The following H2BC5 variants were observed in gnomAD, a reference collection of about 807,000 sequenced individuals.
The protein encoded by H2BC5 is histone H2B type 1-D.
A neutral mutation model predicts 5.7 loss-of-function variants in H2BC5; 9 were observed. That is an observed-to-expected ratio of 1.57 (90% CI 0.95 to 2.74). The LOEUF is 2.74. Ranked by LOEUF, H2BC5 falls within the 30% of genes most tolerant of loss-of-function variation. The pLI is 0.00. For synonymous variants in H2BC5, 133 were observed against 70.9 expected, an observed-to-expected ratio of 1.88 and a Z score of -4.40; for missense variants, 175 against 168.8, an observed-to-expected ratio of 1.04 and a Z score of -0.20.
downstream of H2BC5, among the ~76,000 whole-genome samples, chr6:26,161,381 A>G (rs1037141387): frequency 3.9e-5 from 6 of 152,226 alleles, no homozygotes; most frequent in African/African-American, 1.4e-4. Flanking sequence ...ACAGCAGCCA[A>G]TTGGACCTAC....
At chr6:26,168,467 A>T (rs1235734785) in intron 1 of H2BC5, among the ~76,000 whole-genome samples, 1 of 152,012 alleles carries the variant, frequency 6.6e-6, no homozygotes, top group East Asian at 1.9e-4. Flanking sequence ...TTTTAAAAAA[A>T]AAAAATAAAT....
downstream of H2BC5, among the ~76,000 whole-genome samples, chr6:26,159,089 G>C (rs1247306194): frequency 6.6e-6 from 1 of 152,150 alleles, no homozygotes; most frequent in African/African-American, 2.4e-5. Context: ...GATTTGTTTT[G>C]TAATTGGGCC....
chr6:26,168,454 ATT>A (rs199988643), intron 1 of H2BC5, among the ~76,000 whole-genome samples: 32 of 151,402 alleles, frequency 2.1e-4, no homozygotes, highest in African/African-American at 7.8e-4. Flanking sequence ...CCAAAACTCC[ATT>A]TTTTAAAAAA....
chr6:26,165,730 A>T (rs1376921869), intron 1 of H2BC5, among the ~76,000 whole-genome samples: 3 of 152,104 alleles, frequency 2.0e-5, no homozygotes, highest in Non-Finnish European at 4.4e-5. Flanking sequence ...GAAAGTTGCC[A>T]TTCTCCTCCT....
intron 1 of H2BC5, among the ~76,000 whole-genome samples, chr6:26,169,115 GATTA>G (rs922936714): frequency 6.6e-6 from 1 of 152,102 alleles, no homozygotes; most frequent in African/African-American, 2.4e-5. Context: ...TAAAACTTAA[GATTA>G]ATGATTAGGT....
intron 1 of H2BC5, among the ~76,000 whole-genome samples, chr6:26,169,460 C>T (rs975763918): frequency 1.3e-5 from 2 of 152,110 alleles, no homozygotes; most frequent in Non-Finnish European, 2.9e-5. Flanking sequence ...CAGGAACTAC[C>T]AAATTAATTG....
At chr6:26,159,294 C>T (rs182315604), downstream of H2BC5, among the ~76,000 whole-genome samples, 86 of 114,018 alleles carry the variant, frequency 7.5e-4, no homozygotes, top group Admixed American at 1.4e-3. Context: ...GGTTAAAAGT[C>T]CTCCGGGTAA....
chr6:26,160,562 G>A (rs996447177), downstream of H2BC5, among the ~76,000 whole-genome samples: 2 of 150,352 alleles, frequency 1.3e-5, no homozygotes, highest in Non-Finnish European at 3.0e-5. Flanking sequence ...AATGAAAAGG[G>A]AGAATTAACA....
In H2BC5 at chr6:26,166,075, A is replaced by C. The variant is rs78090487; in HGVS notation, c.*10-4900A>C. On this transcript the variant is annotated intron_variant, in intron 1 of 1. Coordinates refer to the H2BC5 transcript ENST00000289316. ...GTTCACTCTCAGTGGGATCTGGGCA[A>C]CACAGAGGAGTTTGGTGGTCCTGTT... 1.8e-3 allele frequency among the ~76,000 whole-genome samples: 268 copies of C among 152,310 alleles called. 1 individual carries two copies. The highest frequency in any genetic ancestry group is 0.012 in the East Asian group (63 of 5,180).
At chr6:26,159,243 G>GTTTTTTTTT (rs35999697), downstream of H2BC5, among the ~76,000 whole-genome samples, 11 of 61,436 alleles carry the variant, frequency 1.8e-4, 2 homozygotes, top group African/African-American at 6.1e-4. Flanking sequence ...TAATTTATAG[G>GTTTTTTTTT]TTTTTTTTTT....
At chr6:26,164,822 C>T (rs1010294986) in intron 1 of H2BC5, among the ~76,000 whole-genome samples, 1 of 151,992 alleles carries the variant, frequency 6.6e-6, no homozygotes, top group Admixed American at 6.6e-5. Context: ...GGAGAACCGG[C>T]ACCTTGATCT....
chr6:26,170,265 C>T (rs554067263), intron 1 of H2BC5, among the ~76,000 whole-genome samples: 95 of 152,304 alleles, frequency 6.2e-4, no homozygotes, highest in African/African-American at 1.9e-3. Flanking sequence ...TTTGCCTCCC[C>T]TTCCAATCCT....
At position 26,158,356 on chromosome 6, in the gene H2BC5, A is replaced by T; in HGVS notation, c.187A>T (p.Met63Leu). Residue 63 changes from methionine to leucine, a missense_variant, in exon 1 of 1, where the codon ATG (methionine) becomes TTG (leucine). Physicochemically the swap from Met to Leu is conservative, Grantham distance 15. Coordinates refer to ENST00000377777, the MANE Select transcript of H2BC5 (RefSeq NM_021063.4). ...CATCTCTTCCAAGGCAATGGGGATC[A>T]TGAATTCCTTCGTCAACGACATCTT... ...TGISSKAMGI[M>L]NSFVNDIFER... is the part of the protein sequence containing the mutation. The T allele has an allele frequency of 6.2e-7, 1 of 1,614,292 alleles. No individual in the cohort carries two copies. The highest frequency in any genetic ancestry group is 8.5e-7 in the Non-Finnish European group (1 of 1,180,054).
At chr6:26,160,254 A>T (rs1764331374), downstream of H2BC5, among the ~76,000 whole-genome samples, 1 of 152,212 alleles carries the variant, frequency 6.6e-6, no homozygotes. Context: ...AGCACCCGGT[A>T]GAAACAAATA....
intron 1 of H2BC5, among the ~76,000 whole-genome samples, chr6:26,169,203 T>C (rs1392689668): frequency 6.6e-6 from 1 of 152,022 alleles, no homozygotes; most frequent in African/African-American, 2.4e-5. Flanking sequence ...AGAAAAGAAA[T>C]CAAATAGAAG....
At chr6:26,164,024 G>T in intron 1 of H2BC5, 1 of 430,640 alleles carries the variant, frequency 2.3e-6, no homozygotes, top group East Asian at 6.2e-5. Flanking sequence ...GATAAGAATA[G>T]TAAAAGAACT....
rs774339192 is a variant in H2BC5, at chr6:26,158,331, C to G, written c.162C>G (p.Gly54=). ...TGAAGCAGGTCCATCCCGACACCGG[C>G]ATCTCTTCCAAGGCAATGGGGATCA... ...KVLKQVHPDT[G]ISSKAMGIMN... Residue 54 remains glycine, a synonymous_variant, in exon 1 of 1, where the codon GGC becomes GGG. Coordinates refer to ENST00000377777, the MANE Select transcript of H2BC5 (RefSeq NM_021063.4). 5 of 1,614,160 alleles carry G rather than the reference C, an allele frequency of 3.1e-6. No individual in the cohort carries two copies. Among genetic ancestry groups the G allele is most frequent in the Non-Finnish European group, 4.2e-6 (5 of 1,180,066 alleles).
chr6:26,158,236 C>T lies in H2BC5; in HGVS notation c.67C>T (p.Gln23Ter), dbSNP rs916752202. Reference protein sequence around the residue: ...KGSKKAVTKAQKKDGKKRKRS... With the variant: ...KGSKKAVTKA ...CTCCAAGAAGGCGGTGACTAAGGCT[C>T]AGAAGAAGGACGGGAAGAAGCGCAA... The change falls in exon 1 of 1, where the codon CAG (glutamine) becomes TAG (stop). Residue 23 changes from glutamine (Q) to a stop codon, truncating the protein, a stop_gained. Transcript: ENST00000377777. LOFTEE classifies it high-confidence loss of function. The T allele has an allele frequency of 3.7e-6, 6 of 1,614,258 alleles. No homozygotes were observed. In the South Asian group the frequency reaches 6.6e-5, roughly 18 times the overall value.
At chr6:26,166,087 T>A (rs1208157665) in intron 1 of H2BC5, among the ~76,000 whole-genome samples, 1 of 152,178 alleles carries the variant, frequency 6.6e-6, no homozygotes, top group East Asian at 1.9e-4. Context: ...ACAGAGGAGT[T>A]TGGTGGTCCT....
Sources: gnomAD v4.1 joint callset for allele counts (sites outside exome capture counted in the v4.1 genomes callset) on GRCh38, gnomAD v4.1.1 for gene constraint, MANE v1.5 for transcripts, NCBI Gene and HGNC (gene_info 2026-07-23, HGNC 2026-07-21) for gene names.